SRBD1: variants seen among roughly 807,000 people sequenced by gnomAD.
The protein encoded by SRBD1 is S1 RNA binding domain 1, also known as S1 RNA-binding domain-containing protein 1.
SRBD1 carries 88 observed loss-of-function variants against 115.3 expected under a neutral mutation model. The observed-to-expected ratio is 0.76, with a 90% CI of 0.64 to 0.91. SRBD1 has a LOEUF of 0.91. Ranked by LOEUF, SRBD1 falls within the 40% of genes least tolerant of loss-of-function variation. SRBD1 has a pLI of 0.00. For missense variants in SRBD1, 1,385 were observed against 1,177.4 expected, an observed-to-expected ratio of 1.18 and a Z score of -2.58; for synonymous variants, 509 against 407.7, an observed-to-expected ratio of 1.25 and a Z score of -2.99.
intron 14 of SRBD1, chr2:45,546,470 A>C: frequency 3.5e-6 from 2 of 566,542 alleles, no homozygotes; most frequent in Non-Finnish European, 4.5e-6. Context: ...TGTATAGCCT[A>C]GAAAATCCAA....
chr2:45,524,067 G>T, intron 14 of SRBD1, among the ~76,000 whole-genome samples: 1 of 151,850 alleles, frequency 6.6e-6, no homozygotes, highest in Non-Finnish European at 1.5e-5. Flanking sequence ...TCATATGATC[G>T]CAGAAACAAA....
intron 19 of SRBD1, among the ~76,000 whole-genome samples, chr2:45,398,137 T>C (rs1301042882): frequency 1.3e-5 from 2 of 152,164 alleles, no homozygotes; most frequent in African/African-American, 4.8e-5. Flanking sequence ...AATTATCCAG[T>C]AGAACTTACA....
chr2:45,531,338 C>T (rs1055828408), intron 14 of SRBD1, among the ~76,000 whole-genome samples: 1 of 151,716 alleles, frequency 6.6e-6, no homozygotes, highest in Non-Finnish European at 1.5e-5. Context: ...GAATATATGA[C>T]TTTAAAGCAT....
At chr2:45,418,248 T>C (rs1387837955) in intron 18 of SRBD1, 117 bp downstream of exon 18, 3 of 1,204,602 alleles carry the variant, frequency 2.5e-6, no homozygotes, top group East Asian at 2.4e-5. Context: ...AACACTTAAC[T>C]GAATGAAGGC....
At chr2:45,510,740 A>G (rs1450388810) in intron 14 of SRBD1, among the ~76,000 whole-genome samples, 1 of 152,230 alleles carries the variant, frequency 6.6e-6, no homozygotes, top group African/African-American at 2.4e-5. Flanking sequence ...AGCTCAATCC[A>G]AAGAGTAGCT....
intron 14 of SRBD1, chr2:45,546,080 T>A (rs561916671): frequency 8.7e-6 from 7 of 804,726 alleles, no homozygotes; most frequent in Middle Eastern, 6.4e-4. Context: ...GGACTTAATA[T>A]TCTACTATAG....
intron 14 of SRBD1, among the ~76,000 whole-genome samples, chr2:45,530,074 C>T (rs1671566273): frequency 6.6e-6 from 1 of 151,996 alleles, no homozygotes; most frequent in South Asian, 2.1e-4. Flanking sequence ...GCCTACCAAA[C>T]TTCTTATGTA....
At chr2:45,550,997 CT>C (rs1459265339) in intron 12 of SRBD1, 127 bp downstream of exon 12, 1 of 1,065,854 alleles carries the variant, frequency 9.4e-7, no homozygotes, top group East Asian at 2.7e-5. Flanking sequence ...CCCAACACCC[CT>C]GTATGTGAGA....
At chr2:45,448,829 A>G (rs184091797) in intron 16 of SRBD1, among the ~76,000 whole-genome samples, 57 of 150,582 alleles carry the variant, frequency 3.8e-4, no homozygotes, top group African/African-American at 1.4e-3. Flanking sequence ...TCCTTAGGGG[A>G]AAAAAAGTTA....
At position 45,574,652 on chromosome 2, in the gene SRBD1, C is replaced by G. The variant is rs149307402; in HGVS notation, c.1144G>C (p.Asp382His). The G allele has an allele frequency of 3.5e-4, 565 of 1,613,484 alleles. 1 individual carries two copies. Among genetic ancestry groups the G allele is most frequent in the South Asian group, 1.4e-3 (128 of 91,000 alleles). ...ILADMIAKDK[D>H]TLDFIRNLCQ... Reference sequence around the variant, plus strand: ...AAGTTCCGAATGAAGTCAAGCGTGTCTTTGTCTTTAGCAATCATATCTGCT... The same window carrying G: ...AAGTTCCGAATGAAGTCAAGCGTGTGTTTGTCTTTAGCAATCATATCTGCT... The change falls in exon 8 of 21, where the codon GAC becomes CAC. Residue 382 changes from aspartate to histidine, a missense_variant. Transcript: ENST00000263736.
At chr2:45,527,930 C>G (rs567921960) in intron 14 of SRBD1, among the ~76,000 whole-genome samples, 1 of 151,810 alleles carries the variant, frequency 6.6e-6, no homozygotes, top group Non-Finnish European at 1.5e-5. Flanking sequence ...GGAAAGGGCA[C>G]TTAAATGGAA....
chr2:45,580,516 T>TA (rs1329337061), intron 6 of SRBD1, among the ~76,000 whole-genome samples: 3 of 147,582 alleles, frequency 2.0e-5, no homozygotes, highest in Non-Finnish European at 4.5e-5. Context: ...CAGCTATTTT[T>TA]TTTTTTTTTT....
Position 45,598,597 on chromosome 2 carries a change from A to G in SRBD1, c.648+852T>C, listed in dbSNP as rs542543595. Among the ~76,000 whole-genome samples, 9 of 150,346 alleles carry G rather than the reference A, an allele frequency of 6.0e-5. No homozygotes were observed. The East Asian group carries it at 1.6e-3, about 26-fold the overall frequency. The stretch of plus-strand genomic sequence containing the variant: ...TCTAGCCTGGGCGACAGAGCAAGAC[A>G]CCGTCTCAAAAAAAAAAAAAAATTA... On this transcript the variant is annotated intron_variant, in intron 4 of 20. Coordinates refer to ENST00000263736, the MANE Select transcript of SRBD1 (RefSeq NM_018079.5).
chr2:45,580,296 C>A (rs1220043750), intron 6 of SRBD1, among the ~76,000 whole-genome samples: 1 of 152,078 alleles, frequency 6.6e-6, no homozygotes, highest in Non-Finnish European at 1.5e-5. Context: ...TCAACTCAAG[C>A]AAGCTCCTTT....
chr2:45,558,761 G>A (rs535748193), intron 10 of SRBD1, among the ~76,000 whole-genome samples: 24 of 141,082 alleles, frequency 1.7e-4, no homozygotes, highest in African/African-American at 5.3e-4. Flanking sequence ...GCGCAATCTC[G>A]GCTCACTGCA....
chr2:45,459,376 C>A (rs1373021585), intron 16 of SRBD1, among the ~76,000 whole-genome samples: 1 of 152,150 alleles, frequency 6.6e-6, no homozygotes, highest in African/African-American at 2.4e-5. Context: ...AGCAACGCTG[C>A]CACTCTCTCT....
chr2:45,472,496 G>C (rs1277614400), intron 16 of SRBD1, among the ~76,000 whole-genome samples: 2 of 152,138 alleles, frequency 1.3e-5, no homozygotes, highest in Non-Finnish European at 1.5e-5. Context: ...AAGAGATGGG[G>C]GGGTCTCACT....
intron 4 of SRBD1, among the ~76,000 whole-genome samples, chr2:45,592,242 T>C (rs934248761): frequency 6.6e-6 from 1 of 152,112 alleles, no homozygotes; most frequent in Admixed American, 6.5e-5. Context: ...TATGTCTTTG[T>C]CAGCAGCATG....
chr2:45,423,864 T>G (rs1328580314), intron 16 of SRBD1, among the ~76,000 whole-genome samples: 1 of 152,162 alleles, frequency 6.6e-6, no homozygotes, highest in East Asian at 1.9e-4. Flanking sequence ...ATATAATGTA[T>G]TCAGTATGTA....
Sources: gnomAD v4.1 joint callset for allele counts (sites outside exome capture counted in the v4.1 genomes callset) on GRCh38, gnomAD v4.1.1 for gene constraint, MANE v1.5 for transcripts, NCBI Gene and HGNC (gene_info 2026-07-23, HGNC 2026-07-21) for gene names.